The following CFAP54 variants were observed in gnomAD, a reference collection of about 807,000 sequenced individuals.
CFAP54 encodes the protein cilia and flagella associated protein 54, also known as cilia- and flagella-associated protein 54.
In CFAP54, 290 loss-of-function variants were observed where a neutral mutation model predicts 370.4. The ratio of observed to expected loss-of-function variants is 0.78; its 90% confidence interval spans 0.71 to 0.86. The LOEUF is 0.86. CFAP54 is among the 40% of genes least tolerant of loss of function. The pLI is 0.00. For synonymous variants in CFAP54, 1,206 were observed against 1,236.5 expected (o/e 0.98, Z 0.52); for missense variants, 3,399 against 3,528.7 (o/e 0.96, Z 0.93).
intron 58 of CFAP54, among the ~76,000 whole-genome samples, 193 bp from the exon 59 acceptor site, chr12:96,763,958 G>GA (rs1442023786): frequency 6.6e-6 from 1 of 152,096 alleles, no homozygotes; most frequent in Non-Finnish European, 1.5e-5. Flanking sequence ...TTTTTAAAAA[G>GA]AAGGATTGTA....
intron 38 of CFAP54, among the ~76,000 whole-genome samples, chr12:96,660,921 G>A (rs569385039): frequency 3.9e-5 from 6 of 151,978 alleles, no homozygotes; most frequent in Admixed American, 1.3e-4. Flanking sequence ...GCTTACATTC[G>A]CCAGTTTATT....
chr12:96,615,131 C>T (rs1233643322), intron 26 of CFAP54, among the ~76,000 whole-genome samples: 1 of 152,170 alleles, frequency 6.6e-6, no homozygotes, highest in Non-Finnish European at 1.5e-5. Context: ...GCTACAGTAA[C>T]CAAAACAGCA....
At chr12:96,798,671 C>G (rs531723724) in intron 63 of CFAP54, among the ~76,000 whole-genome samples, 15 of 152,238 alleles carry the variant, frequency 9.9e-5, no homozygotes, top group Admixed American at 9.2e-4. Context: ...GTTAACTTTT[C>G]TGCATCAAGG....
chr12:96,725,804 C>T (rs1450449809), intron 50 of CFAP54, among the ~76,000 whole-genome samples: 4 of 151,998 alleles, frequency 2.6e-5, no homozygotes, highest in African/African-American at 9.7e-5. Flanking sequence ...ATGATATTGG[C>T]TGTGGGTTTG....
chr12:96,817,703 A>C lies in CFAP54; in HGVS notation c.8958-72A>C, dbSNP rs60892861. ...CCAAAGTGCTGGGATTACAGGCGTG[A>C]GCCACCACGCCCGGCCATAAATACC... On this transcript the variant is annotated intron_variant, in intron 64 of 67. Coordinates refer to ENST00000524981, the MANE Select transcript of CFAP54 (RefSeq NM_001306084.2). 2,853 of 1,006,404 alleles carry C rather than the reference A, an allele frequency of 2.8e-3. 46 individuals are homozygous for C. The African/African-American group carries it at 0.041, about 14-fold the overall frequency. The allele number at this position is 1,006,404 out of a possible 1,614,324, so 62.3% of individuals were successfully genotyped here. A position where few individuals can be genotyped will look rare whatever the true frequency, so the allele number is the denominator to read the frequency against.
intron 1 of CFAP54, among the ~76,000 whole-genome samples, chr12:96,493,287 G>C (rs1037400736): frequency 2.6e-5 from 4 of 152,202 alleles, no homozygotes; most frequent in African/African-American, 9.7e-5. Flanking sequence ...TATTCATGGA[G>C]CTTATAGTCT....
At chr12:96,790,030 A>G (rs1332435766) in intron 62 of CFAP54, among the ~76,000 whole-genome samples, 1 of 152,204 alleles carries the variant, frequency 6.6e-6, no homozygotes, top group African/African-American at 2.4e-5. Context: ...ACAAAGAAGT[A>G]GATGCCTTTC....
chr12:96,701,350 C>A (rs1957489642), intron 46 of CFAP54, among the ~76,000 whole-genome samples: 1 of 151,998 alleles, frequency 6.6e-6, no homozygotes, highest in South Asian at 2.1e-4. Context: ...GTTAATTACA[C>A]TTTAATTAGT....
At chr12:96,774,573 C>T (rs973290569) in intron 60 of CFAP54, among the ~76,000 whole-genome samples, 15 of 151,704 alleles carry the variant, frequency 9.9e-5, no homozygotes, top group Non-Finnish European at 4.4e-5. Context: ...AAGATAAGTC[C>T]CCATTAATTA....
intron 60 of CFAP54, among the ~76,000 whole-genome samples, chr12:96,773,661 G>T (rs1176737863): frequency 6.6e-6 from 1 of 152,086 alleles, no homozygotes; most frequent in Non-Finnish European, 1.5e-5. Context: ...TAATATAAAT[G>T]TATCTTGACA....
At chr12:96,512,962 T>G in intron 4 of CFAP54, 24 bp from the exon 5 acceptor site, 1 of 1,451,546 alleles carries the variant, frequency 6.9e-7, no homozygotes. Flanking sequence ...GTAAAACATG[T>G]TAACAATCGT....
chr12:96,873,685 C>A (rs1960219915), intron 67 of CFAP54, among the ~76,000 whole-genome samples: 1 of 152,184 alleles, frequency 6.6e-6, no homozygotes, highest in African/African-American at 2.4e-5. Context: ...TCTGCCATTA[C>A]AGTGCAAAAG....
At chr12:96,833,037 C>G (rs530727365) in intron 66 of CFAP54, among the ~76,000 whole-genome samples, 4 of 152,116 alleles carry the variant, frequency 2.6e-5, no homozygotes, top group Non-Finnish European at 5.9e-5. Context: ...TTAACTCTTC[C>G]TAATTAAAAT....
chr12:96,749,906 G>C (rs1177864473), intron 55 of CFAP54, among the ~76,000 whole-genome samples: 1 of 152,160 alleles, frequency 6.6e-6, no homozygotes, highest in East Asian at 1.9e-4. Flanking sequence ...TTCAGTAGTG[G>C]CCATGCTGCA....
chr12:96,863,002 C>T (rs1458904653), intron 67 of CFAP54, among the ~76,000 whole-genome samples: 3 of 152,154 alleles, frequency 2.0e-5, no homozygotes, highest in African/African-American at 7.2e-5. Flanking sequence ...GTTAATTTCC[C>T]ATGAATATAA....
chr12:96,513,075 C>T (rs1955190662), intron 5 of CFAP54, 31 bp downstream of exon 5: 2 of 1,355,228 alleles, frequency 1.5e-6, no homozygotes, highest in Admixed American at 4.8e-5. Flanking sequence ...ATATTTTCCC[C>T]TCTATTTCCT....
intron 17 of CFAP54, 89 bp from the exon 18 acceptor site, chr12:96,564,379 C>T (rs1955844306): frequency 3.7e-6 from 2 of 543,048 alleles, no homozygotes; most frequent in Non-Finnish European, 6.5e-6. Flanking sequence ...GAAGCAGTAG[C>T]TTTATGAATA....
At chr12:96,592,082 A>C (rs1956131304) in intron 23 of CFAP54, among the ~76,000 whole-genome samples, 1 of 152,032 alleles carries the variant, frequency 6.6e-6, no homozygotes, top group Non-Finnish European at 1.5e-5. Context: ...AGGGTCTAGA[A>C]CAGTGTCTTG....
intron 26 of CFAP54, among the ~76,000 whole-genome samples, chr12:96,615,101 A>C (rs2136458864): frequency 6.6e-6 from 1 of 152,338 alleles, no homozygotes; most frequent in East Asian, 1.9e-4. Context: ...ACTCTACCTG[A>C]CTTCAAACTC....
Sources: gnomAD v4.1 joint callset for allele counts (sites outside exome capture counted in the v4.1 genomes callset) on GRCh38, gnomAD v4.1.1 for gene constraint, MANE v1.5 for transcripts, NCBI Gene and HGNC (gene_info 2026-07-23, HGNC 2026-07-21) for gene names.